The following WDFY3 variants were observed in gnomAD, a reference collection of about 807,000 sequenced individuals.
WDFY3 encodes WD repeat and FYVE domain-containing protein 3.
A neutral mutation model predicts 409.6 loss-of-function variants in WDFY3; 66 were observed. That is an observed-to-expected ratio of 0.16 (90% CI 0.13 to 0.20). WDFY3 has a LOEUF of 0.20. Among genes scored for constraint, WDFY3 ranks in the 10% least tolerant of loss-of-function variants. The probability of loss-of-function intolerance (pLI) is 1.00; values close to 1 mark genes in which losing one functional copy is unlikely to be tolerated. For synonymous variants in WDFY3, 1,521 were observed against 1,537.1 expected, an observed-to-expected ratio of 0.99 and a Z score of 0.25; for missense variants, 3,031 against 4,298.1, an observed-to-expected ratio of 0.71 and a Z score of 8.24.
intron 1 of WDFY3, among the ~76,000 whole-genome samples, chr4:84,956,767 G>T (rs1035378636): frequency 1.3e-5 from 2 of 151,874 alleles, no homozygotes; most frequent in Non-Finnish European, 2.9e-5. Flanking sequence ...TTTTTTTAAG[G>T]CTTACAAGTA....
At chr4:84,801,107 C>T (rs1052672347) in intron 17 of WDFY3, among the ~76,000 whole-genome samples, 2 of 150,110 alleles carry the variant, frequency 1.3e-5, no homozygotes, top group African/African-American at 2.5e-5. Context: ...TTTGTGACAT[C>T]GTAATTGTGT....
At position 84,850,928 on chromosome 4, in the gene WDFY3, G is replaced by GTTTTTTTTTTTTTTTTTTTTTTT. The variant is rs869074191; in HGVS notation, c.181-926_181-904dup. ...TTCTTATTTTTAATTTTATTTATCT[G>GTTTTTTTTTTTTTTTTTTTTTTT]TTTTTTTTTTTTTTTTTTTTTTTTT... is the stretch of plus-strand genomic sequence containing the variant. On this transcript the variant is annotated intron_variant, in intron 4 of 67. Coordinates refer to ENST00000295888, the MANE Select transcript of WDFY3 (RefSeq NM_014991.6). Among the ~76,000 whole-genome samples, 25 of 46,254 alleles carry GTTTTTTTTTTTTTTTTTTTTTTT rather than the reference G, an allele frequency of 5.4e-4. 8 individuals carry two copies. The highest frequency in any genetic ancestry group is 8.8e-4 in the East Asian group (1 of 1,134). 30.3% of individuals were successfully genotyped at this position (46,254 alleles called of 152,430 possible).
chr4:84,715,496 C>T (rs1342161773), intron 49 of WDFY3, 113 bp from the exon 50 acceptor site: 32 of 621,790 alleles, frequency 5.1e-5, no homozygotes, highest in Non-Finnish European at 7.0e-5. Flanking sequence ...AATCTGCGGC[C>T]GGGCGCGGTG....
intron 53 of WDFY3, among the ~76,000 whole-genome samples, chr4:84,707,755 C>T (rs548855061): frequency 6.6e-6 from 1 of 152,294 alleles, no homozygotes; most frequent in East Asian, 1.9e-4. Context: ...AATCTTTACT[C>T]CTGAGCTCTT....
rs1383013474 is a variant in WDFY3, at chr4:84,865,420, A to G, written c.-31-4798T>C. 2.0e-5 allele frequency among the ~76,000 whole-genome samples: 3 copies of G among 152,150 alleles called. No homozygotes were observed. In the East Asian group the frequency reaches 5.8e-4, roughly 29 times the overall value. ...TTTAGCCTTCAGTGTTTGTCTCTACATTGTCCAATTAGAAACCTGCTAAGT... is the reference window on the plus strand; with the variant it reads ...TTTAGCCTTCAGTGTTTGTCTCTACGTTGTCCAATTAGAAACCTGCTAAGT... On this transcript the variant is annotated intron_variant, in intron 3 of 67. Coordinates refer to ENST00000295888, the MANE Select transcript of WDFY3 (RefSeq NM_014991.6).
At chr4:84,799,339 T>TA (rs59396701) in intron 17 of WDFY3, among the ~76,000 whole-genome samples, 69,680 of 132,040 alleles carry the variant, frequency 0.53, 18,237 homozygotes, top group South Asian at 0.65. Context: ...TATATATATA[T>TA]TTTTTTTTTT....
rs1418670609 is a variant in WDFY3 at position 84,831,294 on chromosome 4, A to T, written c.769+119T>A. ...AAAATATTTTCTTTTCTCTGGGCAA[A>T]TTTATTTTTTATTTTAAAGAACAAG... On this transcript the variant is annotated intron_variant, in intron 8 of 67. Coordinates refer to ENST00000295888, the MANE Select transcript of WDFY3 (RefSeq NM_014991.6). 1.0e-5 allele frequency: 9 copies of T among 857,768 alleles called. No homozygotes were observed. In the East Asian group the frequency reaches 2.6e-4, roughly 25 times the overall value. 53.1% of individuals were successfully genotyped at this position (857,768 alleles called of 1,614,324 possible).
At chr4:84,705,344 T>C in intron 54 of WDFY3, 50 bp downstream of exon 54, 1 of 1,483,738 alleles carries the variant, frequency 6.7e-7, no homozygotes, top group Non-Finnish European at 9.4e-7. Context: ...ACATAATGAC[T>C]TACTTTTGAA....
chr4:84,727,237 T>TAA (rs956203657), intron 44 of WDFY3, among the ~76,000 whole-genome samples: 1 of 145,106 alleles, frequency 6.9e-6, no homozygotes, highest in East Asian at 2.0e-4. Context: ...TTACATTGTT[T>TAA]AAAAAAAAAA....
chr4:84,720,249 C>G (rs1734627748), intron 47 of WDFY3, among the ~76,000 whole-genome samples: 1 of 152,026 alleles, frequency 6.6e-6, no homozygotes, highest in Admixed American at 6.6e-5. Context: ...ATATATAAGG[C>G]ATCATGAAAG....
At chr4:84,807,878 C>T (rs564843921) in intron 15 of WDFY3, among the ~76,000 whole-genome samples, 5 of 151,830 alleles carry the variant, frequency 3.3e-5, no homozygotes, top group African/African-American at 1.2e-4. Flanking sequence ...AGAAAATACA[C>T]AGTTCCTTTC....
At chr4:84,739,442 G>A (rs1399822652) in intron 39 of WDFY3, 3 of 266,774 alleles carry the variant, frequency 1.1e-5, no homozygotes, top group African/African-American at 6.7e-5. Flanking sequence ...ATATGCCTGT[G>A]TCCTCTCTCC....
chr4:84,850,202 C>G (rs945973171), intron 4 of WDFY3, among the ~76,000 whole-genome samples, 177 bp from the exon 5 acceptor site: 3 of 152,204 alleles, frequency 2.0e-5, no homozygotes, highest in Non-Finnish European at 4.4e-5. Flanking sequence ...TGTCTAGCCA[C>G]ATTTCCTTTT....
In WDFY3 at chr4:84,825,640, T is replaced by C. The variant is rs78378976; in HGVS notation, c.1123+1175A>G. Among the ~76,000 whole-genome samples the C allele has an allele frequency of 2.1e-3, 323 of 152,280 alleles. 10 individuals carry two copies. The East Asian group carries it at 0.058, about 27-fold the overall frequency. ...ACTTATGTACTGAGGGCACATCATA[T>C]TACACTGATGACGCCATCTATTTTC... On this transcript the variant is annotated intron_variant, in intron 10 of 67. Transcript: ENST00000295888.
intron 10 of WDFY3, among the ~76,000 whole-genome samples, chr4:84,824,456 C>A (rs1161671893): frequency 6.6e-6 from 1 of 152,088 alleles, no homozygotes; most frequent in Non-Finnish European, 1.5e-5. Flanking sequence ...CCTTGGAACA[C>A]ATTTCCCCCA....
At chr4:84,721,342 A>G in intron 47 of WDFY3, 67 bp downstream of exon 47, 1 of 1,575,396 alleles carries the variant, frequency 6.3e-7, no homozygotes, top group Non-Finnish European at 8.6e-7. Flanking sequence ...CTACCCTATC[A>G]ACTCATCTTG....
intron 15 of WDFY3, among the ~76,000 whole-genome samples, chr4:84,806,167 T>C (rs1751468605): frequency 6.6e-6 from 1 of 152,200 alleles, no homozygotes; most frequent in Non-Finnish European, 1.5e-5. Flanking sequence ...TGTAATTTGT[T>C]GAGAGGTTCT....
chr4:84,820,466 G>C (rs1203073089), intron 11 of WDFY3, among the ~76,000 whole-genome samples: 1 of 151,974 alleles, frequency 6.6e-6, no homozygotes, highest in Non-Finnish European at 1.5e-5. Context: ...TCTTCACAGA[G>C]GGTTTTCCTA....
chr4:84,775,324 G>A (rs1745366331), intron 27 of WDFY3, among the ~76,000 whole-genome samples, 186 bp from the exon 28 acceptor site: 1 of 151,858 alleles, frequency 6.6e-6, no homozygotes, highest in Non-Finnish European at 1.5e-5. Flanking sequence ...TGACCAAAAT[G>A]ATGGAATTAT....
Sources: allele counts gnomAD v4.1 joint callset (sites outside exome capture counted in the v4.1 genomes callset), GRCh38; gene constraint gnomAD v4.1.1; transcripts MANE v1.5; gene names NCBI Gene and HGNC (gene_info 2026-07-23, HGNC 2026-07-21).